Variants in PIK3R1 observed in about 807,000 individuals in gnomAD.
PIK3R1 encodes the protein phosphoinositide-3-kinase regulatory subunit 1, also known as phosphatidylinositol 3-kinase regulatory subunit alpha.
In PIK3R1, 29 loss-of-function variants were observed where a neutral mutation model predicts 98.0. The observed-to-expected ratio is 0.30, with a 90% CI of 0.22 to 0.40. The LOEUF is 0.40. PIK3R1 is among the 10% of genes least tolerant of loss of function. The pLI is 1.00. For missense variants in PIK3R1, 596 were observed against 872.7 expected (o/e 0.68, Z 3.99); for synonymous variants, 282 against 311.8 (o/e 0.90, Z 1.01).
At position 68,298,462 on chromosome 5, in the gene PIK3R1, A is replaced by T; in HGVS notation, c.*861A>T. 4.3e-6 allele frequency: 1 copy of T among 233,394 alleles called. No individual in the cohort carries two copies. The highest frequency in any genetic ancestry group is 8.5e-6 in the Non-Finnish European group (1 of 117,894). The allele number at this position is 233,394 out of a possible 1,614,324, so 14.5% of individuals were successfully genotyped here. ...TTTCAGTTTTAAATGTACCTTCAGA[A>T]TAAGCTTCCCCACCCCAGTTTTTGT... On this transcript the variant is annotated 3_prime_UTR_variant, in exon 16 of 16. Coordinates refer to ENST00000521381, the MANE Select transcript of PIK3R1 (RefSeq NM_181523.3).
intron 7 of PIK3R1, 61 bp downstream of exon 7, chr5:68,281,067 G>A (rs1746813465): frequency 8.9e-7 from 1 of 1,119,302 alleles, no homozygotes; most frequent in Non-Finnish European, 1.3e-6. Context: ...CTTAAAAAAT[G>A]ATGGCTATAA....
chr5:68,255,356 TC>T (rs1314287045), intron 2 of PIK3R1, among the ~76,000 whole-genome samples: 10 of 152,312 alleles, frequency 6.6e-5, no homozygotes, highest in African/African-American at 2.4e-4. Context: ...TTGGAGGTAT[TC>T]ATTCTCCACT....
At position 68,301,384 on chromosome 5, in the gene PIK3R1, G is replaced by GTA. The variant is rs1748048558; in HGVS notation, c.*3784_*3785insAT. The GTA allele has an allele frequency of 1.9e-5, 1 of 53,976 alleles. No homozygotes were observed. The highest frequency in any genetic ancestry group is 7.1e-5 in the African/African-American group (1 of 14,018). The allele number at this position is 53,976 out of a possible 1,614,324, so 3.3% of individuals were successfully genotyped here. A position where few individuals can be genotyped will look rare whatever the true frequency, so the allele number is the denominator to read the frequency against. On this transcript the variant is annotated 3_prime_UTR_variant, in exon 16 of 16. Transcript: ENST00000521381. ...TATATATATGTGTGTGTGTGTGTGT[G>GTA]TGTGTGTGTATATATATATATATAT...
intron 7 of PIK3R1, among the ~76,000 whole-genome samples, chr5:68,287,175 T>G (rs574407844): frequency 9.2e-5 from 14 of 152,346 alleles, no homozygotes; most frequent in African/African-American, 3.4e-4. Flanking sequence ...TGAAAGAACC[T>G]ATGTCTTCAA....
At chr5:68,262,849 A>G (rs62652525) in intron 2 of PIK3R1, among the ~76,000 whole-genome samples, 2,431 of 31,198 alleles carry the variant, frequency 0.078, 729 homozygotes, top group South Asian at 0.15. Flanking sequence ...ACATGTAGAT[A>G]CATGTAGATA....
intron 7 of PIK3R1, among the ~76,000 whole-genome samples, chr5:68,289,745 T>C (rs1580256687): frequency 9.6e-6 from 1 of 104,128 alleles, no homozygotes; most frequent in African/African-American, 3.9e-5. Context: ...GCATTTGAGA[T>C]AGAGGGGGAA....
At chr5:68,280,808 A>G in intron 6 of PIK3R1, 79 bp downstream of exon 6, 1 of 1,318,416 alleles carries the variant, frequency 7.6e-7, no homozygotes, top group Admixed American at 1.7e-5. Context: ...ATGTATTCTG[A>G]ATATACTACT....
rs779578323 is a variant in PIK3R1 at position 68,297,472 on chromosome 5, C to T, written c.2046C>T (p.Ala682=). 8.7e-6 allele frequency: 14 copies of T among 1,613,960 alleles called. No homozygotes were observed. The highest frequency in any genetic ancestry group is 5.0e-5 in the Admixed American group (3 of 60,004). ...INKTATGYGF[A]EPYNLYSSLK... ...AAACAGCAACTGGCTATGGCTTTGC[C>T]GAGCCCTATAACTTGTACAGCTCTC... The change falls in exon 16 of 16, where the codon GCC becomes GCT. Residue 682 remains alanine (A), a synonymous_variant. Coordinates refer to ENST00000521381, the MANE Select transcript of PIK3R1 (RefSeq NM_181523.3).
At position 68,301,260 on chromosome 5, in the gene PIK3R1, T is replaced by A. The variant is rs1748025857; in HGVS notation, c.*3659T>A. On this transcript the variant is annotated 3_prime_UTR_variant, in exon 16 of 16. Transcript: ENST00000521381. ...ACTGGTATTATGGGTGGGGAGGAAA[T>A]AGAATTGAGTCAATTGGAAAGACTA... is the stretch of plus-strand genomic sequence containing the variant. 5.1e-6 allele frequency: 1 copy of A among 195,544 alleles called. No individual in the cohort carries two copies. The highest frequency in any genetic ancestry group is 2.0e-4 in the South Asian group (1 of 5,064). 12.1% of individuals were successfully genotyped at this position (195,544 alleles called of 1,614,324 possible). A position where few individuals can be genotyped will look rare whatever the true frequency, so the allele number is the denominator to read the frequency against.
intron 4 of PIK3R1, among the ~76,000 whole-genome samples, chr5:68,277,909 C>T (rs560148174): frequency 2.4e-4 from 36 of 152,302 alleles, no homozygotes; most frequent in African/African-American, 7.7e-4. Context: ...AAAGCTGTTA[C>T]AAACGTAGTA....
In PIK3R1 at chr5:68,262,881, GTAGATACATGTATACATATATA is replaced by G. The variant is rs1484317958; in HGVS notation, c.335-10508_335-10487del. On this transcript the variant is annotated intron_variant, in intron 2 of 15. Transcript: ENST00000521381. Reference sequence around the variant, plus strand: ...GATACATGTATACATGTAGATACATGTAGATACATGTATACATATATACATGTAGATACATGTAGATACATGT... The same window carrying G: ...GATACATGTATACATGTAGATACATGCATGTAGATACATGTAGATACATGT... Among the ~76,000 whole-genome samples, 100 of 117,378 alleles carry G rather than the reference GTAGATACATGTATACATATATA, an allele frequency of 8.5e-4. 29 individuals carry two copies. Among genetic ancestry groups the G allele is most frequent in the Admixed American group, 1.6e-3 (21 of 12,786 alleles). The allele number at this position is 117,378 out of a possible 152,430, so 77.0% of individuals were successfully genotyped here. A position where few individuals can be genotyped will look rare whatever the true frequency, so the allele number is the denominator to read the frequency against.
chr5:68,255,702 C>T (rs1745487857), intron 2 of PIK3R1, among the ~76,000 whole-genome samples: 1 of 152,184 alleles, frequency 6.6e-6, no homozygotes, highest in South Asian at 2.1e-4. Flanking sequence ...ATACGGCTAT[C>T]AATGTGAAAA....
At chr5:68,220,574 T>C (rs1266042672) in intron 1 of PIK3R1, among the ~76,000 whole-genome samples, 2 of 152,204 alleles carry the variant, frequency 1.3e-5, no homozygotes, top group Admixed American at 6.5e-5. Flanking sequence ...GGCTGCTTTC[T>C]GAAGAGCCCT....
chr5:68,272,503 C>T (rs1449549968), intron 2 of PIK3R1, among the ~76,000 whole-genome samples: 2 of 151,996 alleles, frequency 1.3e-5, no homozygotes, highest in Admixed American at 1.3e-4. Flanking sequence ...TATTTAGCTC[C>T]CTCTTCTGGC....
At chr5:68,240,983 G>T (rs1254096455) in intron 2 of PIK3R1, among the ~76,000 whole-genome samples, 1 of 152,122 alleles carries the variant, frequency 6.6e-6, no homozygotes, top group Non-Finnish European at 1.5e-5. Context: ...TGATTCAGTG[G>T]ACTCCTAAGG....
intron 1 of PIK3R1, among the ~76,000 whole-genome samples, chr5:68,221,000 T>A (rs1744075356): frequency 6.6e-6 from 1 of 152,234 alleles, no homozygotes; most frequent in Non-Finnish European, 1.5e-5. Context: ...TAGGAGGCTG[T>A]GCTCTCTTGA....
intron 1 of PIK3R1, among the ~76,000 whole-genome samples, chr5:68,223,036 CTATA>C (rs1456274826): frequency 1.3e-5 from 2 of 151,490 alleles, no homozygotes; most frequent in African/African-American, 2.4e-5. Flanking sequence ...ATATATATGA[CTATA>C]TATATATGAC....
intron 1 of PIK3R1, chr5:68,217,653 T>TGTGTGTGTGTGTGTGCGCGCGCGCGCGC (rs1386976488): frequency 4.0e-5 from 6 of 149,292 alleles, no homozygotes; most frequent in African/African-American, 1.5e-4. Flanking sequence ...TGTGTGTGTG[T>TGTGTGTGTGTGTGTGCGCGCGCGCGCGC]GCGCGCGCGT....
At chr5:68,217,490 A>G (rs1743929381) in intron 1 of PIK3R1, 1 of 152,242 alleles carries the variant, frequency 6.6e-6, no homozygotes, top group Non-Finnish European at 1.5e-5. Context: ...TAGCTATACA[A>G]CTTTTTGACA....
Sources: allele counts gnomAD v4.1 joint callset (sites outside exome capture counted in the v4.1 genomes callset), GRCh38; gene constraint gnomAD v4.1.1; transcripts MANE v1.5; gene names NCBI Gene and HGNC (gene_info 2026-07-23, HGNC 2026-07-21).